Variants in TSPYL5 observed in about 807,000 individuals in gnomAD.
TSPYL5 encodes the protein testis-specific Y-encoded-like protein 5.
For missense variants in TSPYL5, 556 were observed against 555.5 expected (o/e 1.00, Z -0.01); for synonymous variants, 276 against 236.1 (o/e 1.17, Z -1.55).
chr8:97,273,731 GT>G lies in TSPYL5; in HGVS notation c.*2859del, dbSNP rs1485235758. 4.6e-5 allele frequency: 7 copies of G among 152,568 alleles called. No homozygotes were observed. The highest frequency in any genetic ancestry group is 1.4e-4 in the African/African-American group (6 of 41,442). The allele number at this position is 152,568 out of a possible 1,614,324, so 9.5% of individuals were successfully genotyped here. On this transcript the variant is annotated 3_prime_UTR_variant, in exon 1 of 1. Coordinates refer to ENST00000322128, the MANE Select transcript of TSPYL5 (RefSeq NM_033512.3). The stretch of plus-strand genomic sequence containing the variant: ...GATAACAATGCTAATGGTCACACAA[GT>G]TTCCATGTTACACAGAAAAAAAGAT...
Position 97,276,444 on chromosome 8 carries a change from G to A in TSPYL5, c.*147C>T, listed in dbSNP as rs1810516138. Reference sequence around the variant, plus strand: ...AAGCAAGAGGCTATGGGAGGCAAAAGAACATGATCATAAATGCCATATTCT... The same window carrying A: ...AAGCAAGAGGCTATGGGAGGCAAAAAAACATGATCATAAATGCCATATTCT... On this transcript the variant is annotated 3_prime_UTR_variant, in exon 1 of 1. Transcript: ENST00000322128. The A allele has an allele frequency of 6.5e-6, 7 of 1,075,800 alleles. No homozygotes were observed. In the South Asian group the frequency reaches 7.8e-5, roughly 12 times the overall value. The allele number at this position is 1,075,800 out of a possible 1,614,324, so 66.6% of individuals were successfully genotyped here.
chr8:97,277,041 G>A lies in TSPYL5; in HGVS notation c.804C>T (p.Ser268=), dbSNP rs770378983. The A allele has an allele frequency of 1.2e-6, 2 of 1,614,110 alleles. No homozygotes were observed. The highest frequency in any genetic ancestry group is 1.7e-6 in the Non-Finnish European group (2 of 1,180,026). The stretch of plus-strand genomic sequence containing the variant: ...AGTAGCTCAGTACCTCTTTCTCTTG[G>A]CTATTCAGAAAGGATGCTAGCTGGG... ...NHPQLASFLN[S]QEKEVLSYLN... is the part of the protein sequence containing the mutation. Residue 268 remains serine (S), a synonymous_variant, in exon 1 of 1, where the codon AGC becomes AGT. Coordinates refer to ENST00000322128, the MANE Select transcript of TSPYL5 (RefSeq NM_033512.3). This position sits in a 1 kb window ranked among gnomAD's most constrained non-coding sequence, Gnocchi z 4.5.
Position 97,277,917 on chromosome 8 carries a change from G to A in TSPYL5, c.-73C>T, listed in dbSNP as rs1420295455. On this transcript the variant is annotated 5_prime_UTR_variant, in exon 1 of 1. Coordinates refer to ENST00000322128, the MANE Select transcript of TSPYL5 (RefSeq NM_033512.3). The surrounding 1 kb of genome is among the most constrained non-coding windows in gnomAD (Gnocchi z 4.5). ...CTGACGCCAGCTCTCGGTCGGGACC[G>A]AGCGGGTCTCTCCACGGCAACCGCC... 13 of 1,307,200 alleles carry A rather than the reference G, an allele frequency of 9.9e-6. No homozygotes were observed. The African/African-American group carries it at 1.7e-4, about 17-fold the overall frequency. 81.0% of individuals were successfully genotyped at this position (1,307,200 alleles called of 1,614,324 possible).
Position 97,276,873 on chromosome 8 carries a change from A to C in TSPYL5, c.972T>G (p.Arg324=), listed in dbSNP as rs1468845434. ...CTGGGAGCCACTGGATTGGAGTAGA[A>C]CGAGACACCACCTGGCCAGAAGGAC... The part of the protein sequence containing the change: ...GCGPSGQVVS[R]STPIQWLPGH... Residue 324 remains arginine (R), a synonymous_variant, in exon 1 of 1, where the codon CGT becomes CGG. Transcript: ENST00000322128. The C allele has an allele frequency of 1.2e-6, 2 of 1,614,016 alleles. No individual in the cohort carries two copies. Among genetic ancestry groups the C allele is most frequent in the Middle Eastern group, 1.6e-4 (1 of 6,084 alleles).
At position 97,276,925 on chromosome 8, in the gene TSPYL5, T is replaced by C. The variant is rs1287269500; in HGVS notation, c.920A>G (p.Lys307Arg). The C allele has an allele frequency of 6.2e-7, 1 of 1,614,228 alleles. No individual in the cohort carries two copies. Among genetic ancestry groups the C allele is most frequent in the East Asian group, 2.2e-5 (1 of 44,884 alleles). ...YFDRNPYFQN[K>R]VLIKEYGCGP... ...ACACCCATATTCCTTGATGAGCACC[T>C]TATTTTGGAAATACGGGTTGCGATC... The change falls in exon 1 of 1, where the codon AAG (lysine) becomes AGG (arginine). Residue 307 changes from lysine to arginine, a missense_variant. Lys to Arg is a conservative substitution (Grantham distance 26, BLOSUM62 2). Coordinates refer to ENST00000322128, the MANE Select transcript of TSPYL5 (RefSeq NM_033512.3).
At position 97,276,626 on chromosome 8, in the gene TSPYL5, C is replaced by T. The variant is rs755488847; in HGVS notation, c.1219G>A (p.Glu407Lys). The change falls in exon 1 of 1, where the codon GAG (glutamate) becomes AAG (lysine). Residue 407 changes from glutamate (E) to lysine (K), a missense_variant. Coordinates refer to ENST00000322128, the MANE Select transcript of TSPYL5 (RefSeq NM_033512.3). ...TGGCTCACCCCAGGCTGAGTAGTCTCCATTGGCTGCTTTCCTGGACCTTGC... is the reference window on the plus strand; with the variant it reads ...TGGCTCACCCCAGGCTGAGTAGTCTTCATTGGCTGCTTTCCTGGACCTTGC... ...GRQGPGKQPM[E>K]TTQPGVSQSN 1 of 1,613,996 alleles carries T rather than the reference C, an allele frequency of 6.2e-7. No homozygotes were observed. The highest frequency in any genetic ancestry group is 2.2e-5 in the East Asian group (1 of 44,878).
In TSPYL5 at chr8:97,277,879, G is replaced by A. The variant is rs1405401553; in HGVS notation, c.-35C>T. On this transcript the variant is annotated 5_prime_UTR_variant, in exon 1 of 1. Coordinates refer to ENST00000322128, the MANE Select transcript of TSPYL5 (RefSeq NM_033512.3). This position sits in a 1 kb window ranked among gnomAD's most constrained non-coding sequence, Gnocchi z 4.5. Reference sequence around the variant, plus strand: ...GGAGGCAGCTTCAAAGACACGCTGTGACCCTGCGGCTCCTGACGCCAGCTC... The same window carrying A: ...GGAGGCAGCTTCAAAGACACGCTGTAACCCTGCGGCTCCTGACGCCAGCTC... 4 of 1,373,836 alleles carry A rather than the reference G, an allele frequency of 2.9e-6. No homozygotes were observed. Among genetic ancestry groups the A allele is most frequent in the African/African-American group, 1.5e-5 (1 of 66,422 alleles). 85.1% of individuals were successfully genotyped at this position (1,373,836 alleles called of 1,614,324 possible).
rs1349942006 is a variant in TSPYL5 at position 97,276,509 on chromosome 8, A to T, written c.*82T>A. Reference sequence around the variant, plus strand: ...AAAGGGTCTATAGTACACAGAGGCCAACATGAAGAGAAGGCAGAGAGCCAA... The same window carrying T: ...AAAGGGTCTATAGTACACAGAGGCCTACATGAAGAGAAGGCAGAGAGCCAA... On this transcript the variant is annotated 3_prime_UTR_variant, in exon 1 of 1. Coordinates refer to ENST00000322128, the MANE Select transcript of TSPYL5 (RefSeq NM_033512.3). 6.6e-6 allele frequency: 10 copies of T among 1,512,320 alleles called. No individual in the cohort carries two copies. In the African/African-American group the frequency reaches 1.3e-4, roughly 19 times the overall value. The allele number at this position is 1,512,320 out of a possible 1,614,324, so 93.7% of individuals were successfully genotyped here. A position where few individuals can be genotyped will look rare whatever the true frequency, so the allele number is the denominator to read the frequency against.
chr8:97,277,127 G>A lies in TSPYL5; in HGVS notation c.718C>T (p.Arg240Cys). Residue 240 changes from arginine to cysteine, a missense_variant, in exon 1 of 1, where the codon CGC becomes TGC. Transcript: ENST00000322128. This position sits in a 1 kb window ranked among gnomAD's most constrained non-coding sequence, Gnocchi z 4.5. The part of the protein sequence containing the change: ...FGQLRLQHLE[R>C]RNHLIQNIPG... The stretch of plus-strand genomic sequence containing the variant: ...ATATTTTGGATGAGGTGGTTCCTGC[G>A]CTCCAAGTGCTGCAGTCGCAACTGC... 1 of 1,610,408 alleles carries A rather than the reference G, an allele frequency of 6.2e-7. No homozygotes were observed. Among genetic ancestry groups the A allele is most frequent in the Non-Finnish European group, 8.5e-7 (1 of 1,180,002 alleles).
At position 97,273,660 on chromosome 8, in the gene TSPYL5, T is replaced by G. The variant is rs1810464686; in HGVS notation, c.*2931A>C. On this transcript the variant is annotated 3_prime_UTR_variant, in exon 1 of 1. Transcript: ENST00000322128. ...ATTTTCACAGAACACAGCAACAATT[T>G]CCAAATTATTCTTCCAAAACCAGAG... The G allele has an allele frequency of 6.6e-6, 1 of 152,588 alleles. No homozygotes were observed. The highest frequency in any genetic ancestry group is 1.5e-5 in the Non-Finnish European group (1 of 68,028). 9.5% of individuals were successfully genotyped at this position (152,588 alleles called of 1,614,324 possible).
In TSPYL5 at chr8:97,274,117, T is replaced by G. The variant is rs941798883; in HGVS notation, c.*2474A>C. ...AGAGAGAGATACAGATGAAACCAGG[T>G]TGACCATAGCTGATAAGTGATGCAG... is the stretch of plus-strand genomic sequence containing the variant. On this transcript the variant is annotated 3_prime_UTR_variant, in exon 1 of 1. Transcript: ENST00000322128. The G allele has an allele frequency of 6.6e-6, 1 of 152,170 alleles. No individual in the cohort carries two copies. The highest frequency in any genetic ancestry group is 1.5e-5 in the Non-Finnish European group (1 of 68,030). The allele number at this position is 152,170 out of a possible 1,614,324, so 9.4% of individuals were successfully genotyped here. A position where few individuals can be genotyped will look rare whatever the true frequency, so the allele number is the denominator to read the frequency against.
In TSPYL5 at chr8:97,276,293, G is replaced by A. The variant is rs1275628618; in HGVS notation, c.*298C>T. On this transcript the variant is annotated 3_prime_UTR_variant, in exon 1 of 1. Coordinates refer to ENST00000322128, the MANE Select transcript of TSPYL5 (RefSeq NM_033512.3). ...TGAGTGTCCATGTTAAAGACAAGTAGGAAAGGCCAGAGCCAAGAACAAGGT... is the reference window on the plus strand; with the variant it reads ...TGAGTGTCCATGTTAAAGACAAGTAAGAAAGGCCAGAGCCAAGAACAAGGT... 1.2e-5 allele frequency: 4 copies of A among 330,324 alleles called. No homozygotes were observed. Among genetic ancestry groups the A allele is most frequent in the South Asian group, 1.3e-4 (2 of 15,424 alleles). 20.5% of individuals were successfully genotyped at this position (330,324 alleles called of 1,614,324 possible).
Position 97,276,779 on chromosome 8 carries a change from T to G in TSPYL5, c.1066A>C (p.Asn356His). ...TTGTCAGACTCAATGGAGCTGTGGTTTGAAAACCACCCAAAGAAACTACGG... is the reference window on the plus strand; with the variant it reads ...TTGTCAGACTCAATGGAGCTGTGGTGTGAAAACCACCCAAAGAAACTACGG... ...NNRSFFGWFS[N>H]HSSIESDKIV... Residue 356 changes from asparagine to histidine, a missense_variant, in exon 1 of 1, where the codon AAC (asparagine) becomes CAC (histidine). Asn to His is a moderately conservative substitution (Grantham distance 68). Coordinates refer to ENST00000322128, the MANE Select transcript of TSPYL5 (RefSeq NM_033512.3). 1 of 1,614,218 alleles carries G rather than the reference T, an allele frequency of 6.2e-7. No homozygotes were observed. Among genetic ancestry groups the G allele is most frequent in the Non-Finnish European group, 8.5e-7 (1 of 1,180,028 alleles).
In TSPYL5 at chr8:97,274,319, A is replaced by G. The variant is rs1810477304; in HGVS notation, c.*2272T>C. 1 of 152,218 alleles carries G rather than the reference A, an allele frequency of 6.6e-6. No homozygotes were observed. Among genetic ancestry groups the G allele is most frequent in the African/African-American group, 2.4e-5 (1 of 41,460 alleles). The allele number at this position is 152,218 out of a possible 1,614,324, so 9.4% of individuals were successfully genotyped here. On this transcript the variant is annotated 3_prime_UTR_variant, in exon 1 of 1. Coordinates refer to ENST00000322128, the MANE Select transcript of TSPYL5 (RefSeq NM_033512.3). ...GGGAAAGTCGTAAGACTTTAAAGGC[A>G]AAATGTGCAGCATATAGCATTCTTC...
chr8:97,277,255 G>A lies in TSPYL5; in HGVS notation c.590C>T (p.Ala197Val), dbSNP rs888134805. The A allele has an allele frequency of 1.9e-6, 3 of 1,613,918 alleles. No homozygotes were observed. The highest frequency in any genetic ancestry group is 2.5e-6 in the Non-Finnish European group (3 of 1,179,988). ...EERDAGSGPP[A>V]TEGSMDTLEN... is the part of the protein sequence containing the mutation. ...CAGCGTATCCATGCTGCCTTCCGTC[G>A]CTGGGGGCCCCGACCCTGCATCCCT... Residue 197 changes from alanine to valine, a missense_variant, in exon 1 of 1, where the codon GCG (alanine) becomes GTG (valine). Coordinates refer to ENST00000322128, the MANE Select transcript of TSPYL5 (RefSeq NM_033512.3). This position sits in a 1 kb window ranked among gnomAD's most constrained non-coding sequence, Gnocchi z 4.5.
At position 97,277,532 on chromosome 8, in the gene TSPYL5, C is replaced by T. The variant is rs766847457; in HGVS notation, c.313G>A (p.Gly105Ser). The part of the protein sequence containing the change: ...GDHGQAAARP[G>S]PGKAASLSER... Reference sequence around the variant, plus strand: ...GAGAGAGATGCGGCCTTCCCCGGGCCGGGCCTGGCCGCGGCCTGCCCGTGG... The same window carrying T: ...GAGAGAGATGCGGCCTTCCCCGGGCTGGGCCTGGCCGCGGCCTGCCCGTGG... The change falls in exon 1 of 1, where the codon GGC becomes AGC. Residue 105 changes from glycine (G) to serine (S), a missense_variant. Transcript: ENST00000322128. This position sits in a 1 kb window ranked among gnomAD's most constrained non-coding sequence, Gnocchi z 4.5. 6.7e-6 allele frequency: 10 copies of T among 1,495,744 alleles called. No individual in the cohort carries two copies. In the Admixed American group the frequency reaches 1.8e-4, roughly 27 times the overall value. The allele number at this position is 1,495,744 out of a possible 1,614,324, so 92.7% of individuals were successfully genotyped here. A position where few individuals can be genotyped will look rare whatever the true frequency, so the allele number is the denominator to read the frequency against.
In TSPYL5 at chr8:97,277,489, T is replaced by G; in HGVS notation, c.356A>C (p.Asp119Ala). 1 of 1,522,228 alleles carries G rather than the reference T, an allele frequency of 6.6e-7. No individual in the cohort carries two copies. The highest frequency in any genetic ancestry group is 1.8e-4 in the Middle Eastern group (1 of 5,614). 94.3% of individuals were successfully genotyped at this position (1,522,228 alleles called of 1,614,324 possible). The change falls in exon 1 of 1, where the codon GAC becomes GCC. Residue 119 changes from aspartate to alanine, a missense_variant. Physicochemically the swap from Asp to Ala is moderately radical, Grantham distance 126. Coordinates refer to ENST00000322128, the MANE Select transcript of TSPYL5 (RefSeq NM_033512.3). The surrounding 1 kb of genome is among the most constrained non-coding windows in gnomAD (Gnocchi z 4.5). The stretch of plus-strand genomic sequence containing the variant: ...TCCCGCTGTTCCCACGAAGACAGTG[T>G]CTGCGGCCAGGCGCTCCGAGAGAGA... ...AASLSERLAA[D>A]TVFVGTAGTV...
At position 97,277,087 on chromosome 8, in the gene TSPYL5, C is replaced by T; in HGVS notation, c.758G>A (p.Gly253Glu). ...HLIQNIPGFW[G>E]QAFQNHPQLA... ...CTGGGGATGGTTCTGAAATGCTTGC[C>T]CCCAGAAGCCCGGGATATTTTGGAT... The change falls in exon 1 of 1, where the codon GGG becomes GAG. Residue 253 changes from glycine (G) to glutamate (E), a missense_variant. Coordinates refer to ENST00000322128, the MANE Select transcript of TSPYL5 (RefSeq NM_033512.3). This position sits in a 1 kb window ranked among gnomAD's most constrained non-coding sequence, Gnocchi z 4.5. 1 of 1,612,814 alleles carries T rather than the reference C, an allele frequency of 6.2e-7. No homozygotes were observed. Among genetic ancestry groups the T allele is most frequent in the Non-Finnish European group, 8.5e-7 (1 of 1,180,008 alleles).
At position 97,277,488 on chromosome 8, in the gene TSPYL5, G is replaced by C; in HGVS notation, c.357C>G (p.Asp119Glu). 1.3e-6 allele frequency: 2 copies of C among 1,522,548 alleles called. No homozygotes were observed. Among genetic ancestry groups the C allele is most frequent in the South Asian group, 2.6e-5 (2 of 75,792 alleles). The allele number at this position is 1,522,548 out of a possible 1,614,324, so 94.3% of individuals were successfully genotyped here. A position where few individuals can be genotyped will look rare whatever the true frequency, so the allele number is the denominator to read the frequency against. ...TTCCCGCTGTTCCCACGAAGACAGTGTCTGCGGCCAGGCGCTCCGAGAGAG... is the reference window on the plus strand; with the variant it reads ...TTCCCGCTGTTCCCACGAAGACAGTCTCTGCGGCCAGGCGCTCCGAGAGAG... ...AASLSERLAA[D>E]TVFVGTAGTV... is the part of the protein sequence containing the mutation. The change falls in exon 1 of 1, where the codon GAC becomes GAG. Residue 119 changes from aspartate to glutamate, a missense_variant. Physicochemically the swap from Asp to Glu is conservative, Grantham distance 45. Coordinates refer to ENST00000322128, the MANE Select transcript of TSPYL5 (RefSeq NM_033512.3). This position sits in a 1 kb window ranked among gnomAD's most constrained non-coding sequence, Gnocchi z 4.5.
Sources: gnomAD v4.1 joint callset for allele counts on GRCh38, gnomAD v4.1.1 for gene constraint, Gnocchi (gnomAD v3.1) non-coding constraint, MANE v1.5 for transcripts, NCBI Gene and HGNC (gene_info 2026-07-23, HGNC 2026-07-21) for gene names.